The following PRDM1 variants were observed in gnomAD, a reference collection of about 807,000 sequenced individuals.
PRDM1 encodes the protein PR/SET domain 1.
In PRDM1, 13 loss-of-function variants were observed where a neutral mutation model predicts 62.8. The observed-to-expected ratio is 0.21, with a 90% CI of 0.13 to 0.33. The LOEUF is 0.33. Ranked by LOEUF, PRDM1 falls within the 10% of genes least tolerant of loss-of-function variation. The pLI, the probability that PRDM1 is intolerant of heterozygous loss-of-function variation, is 1.00. For missense variants in PRDM1, 895 were observed against 1,058.8 expected, an observed-to-expected ratio of 0.85 and a Z score of 2.15; for synonymous variants, 396 against 417.6, an observed-to-expected ratio of 0.95 and a Z score of 0.63.
chr6:106,094,288 ATAGG>A (rs1346263164), intron 2 of PRDM1, among the ~76,000 whole-genome samples: 3 of 152,238 alleles, frequency 2.0e-5, no homozygotes, highest in Non-Finnish European at 4.4e-5. Flanking sequence ...CAGTAAAGTG[ATAGG>A]TAGGCTATCT....
rs138987615 is a variant in PRDM1 at position 106,074,890 on chromosome 6, C to T, written c.-66-13311C>T. ...TCAAGAGGCTGAGGCATGAGAATCG[C>T]TTGAACCTGGGAGGCAGAGATTGCA... On this transcript the variant is annotated intron_variant, in intron 1 of 6. Coordinates refer to the PRDM1 transcript ENST00000651185. 2.2e-3 allele frequency among the ~76,000 whole-genome samples: 332 copies of T among 152,308 alleles called. 2 individuals are homozygous for T. Among genetic ancestry groups the T allele is most frequent in the African/African-American group, 7.6e-3 (317 of 41,568 alleles).
intron 1 of PRDM1, among the ~76,000 whole-genome samples, chr6:106,087,291 C>T (rs1342937279): frequency 6.6e-6 from 1 of 152,296 alleles, no homozygotes; most frequent in East Asian, 1.9e-4. Flanking sequence ...TTTGTTATAA[C>T]TTTAGTTACA....
At chr6:106,074,977 G>T (rs1408690428) in intron 1 of PRDM1, among the ~76,000 whole-genome samples, 1 of 152,140 alleles carries the variant, frequency 6.6e-6, no homozygotes, top group East Asian at 1.9e-4. Flanking sequence ...TTCCAATACT[G>T]TATAATGTTT....
intron 3 of PRDM1, chr6:106,098,296 T>C: frequency 1.0e-6 from 1 of 985,188 alleles, no homozygotes; most frequent in South Asian, 4.7e-5. Flanking sequence ...AGAGAAAACT[T>C]TGTGTGGAAG....
In PRDM1 at chr6:106,105,246, T is replaced by A. The variant is rs1423348813; in HGVS notation, c.1086T>A (p.Pro362=). 1 of 1,613,804 alleles carries A rather than the reference T, an allele frequency of 6.2e-7. No homozygotes were observed. The highest frequency in any genetic ancestry group is 1.7e-5 in the Admixed American group (1 of 60,018). Reference sequence around the variant, plus strand: ...GCAGCCCTGGGAATACGGTGTCCCCTGTGGGCCCCGGCTCTCAAGAGCACC... The same window carrying A: ...GCAGCCCTGGGAATACGGTGTCCCCAGTGGGCCCCGGCTCTCAAGAGCACC... ...PHSSPGNTVS[P]VGPGSQEHRD... is the part of the protein sequence containing the mutation. Residue 362 remains proline (P), a synonymous_variant, in exon 5 of 7, where the codon CCT becomes CCA. Transcript: ENST00000369096.
At chr6:106,008,357 G>C (rs2114547880) in intron 1 of PRDM1, among the ~76,000 whole-genome samples, 1 of 152,306 alleles carries the variant, frequency 6.6e-6, no homozygotes, top group East Asian at 1.9e-4. Context: ...TGGCGACAGA[G>C]TGAGGCTCCG....
At chr6:106,009,871 C>G (rs186469906) in intron 1 of PRDM1, among the ~76,000 whole-genome samples, 1 of 152,138 alleles carries the variant, frequency 6.6e-6, no homozygotes, top group East Asian at 1.9e-4. Context: ...GCATGCGCCA[C>G]CACGCCCGGC....
intron 1 of PRDM1, among the ~76,000 whole-genome samples, chr6:106,030,082 A>G (rs991279492): frequency 2.6e-5 from 4 of 151,998 alleles, no homozygotes; most frequent in African/African-American, 7.3e-5. Context: ...AGAGTTCTTT[A>G]TGTATTTTAT....
At chr6:106,035,446 AC>A (rs1012351664) in intron 1 of PRDM1, among the ~76,000 whole-genome samples, 8 of 150,766 alleles carry the variant, frequency 5.3e-5, no homozygotes, top group African/African-American at 2.0e-4. Context: ...ACATAGTGAG[AC>A]CCCCCTCCCC....
upstream of PRDM1, among the ~76,000 whole-genome samples, chr6:106,043,597 G>A (rs757899227): frequency 2.6e-5 from 4 of 152,138 alleles, no homozygotes; most frequent in East Asian, 3.9e-4. Flanking sequence ...GCAATGGCAC[G>A]ATCTTGGCTC....
chr6:106,003,245 T>C (rs1772448058), intron 1 of PRDM1, among the ~76,000 whole-genome samples: 1 of 152,220 alleles, frequency 6.6e-6, no homozygotes, highest in Non-Finnish European at 1.5e-5. Context: ...GGGACAATTA[T>C]ACCAGGACTA....
chr6:106,068,096 CTT>C (rs201806827), intron 1 of PRDM1, among the ~76,000 whole-genome samples: 1 of 145,252 alleles, frequency 6.9e-6, no homozygotes, highest in Non-Finnish European at 1.5e-5. Context: ...CCACCCTGTT[CTT>C]TTTTTTTTTT....
In PRDM1 at chr6:106,106,956, C is replaced by G. The variant is rs147011403; in HGVS notation, c.1948C>G (p.Leu650Val). ...FSSTSNLKTHLRLHSGEKPYQ... is the reference protein window; with the variant it reads ...FSSTSNLKTHVRLHSGEKPYQ... ...CAGCACCAGCAATCTCAAGACCCAC[C>G]TGCGACTCCATTCTGGAGAGAAACC... Residue 650 changes from leucine to valine, a missense_variant, in exon 7 of 7, where the codon CTG (leucine) becomes GTG (valine). Physicochemically the swap from Leu to Val is conservative, Grantham distance 32. Coordinates refer to ENST00000369096, the MANE Select transcript of PRDM1 (RefSeq NM_001198.4). The surrounding 1 kb of genome is among the most constrained non-coding windows in gnomAD (Gnocchi z 4.4). 1 of 1,614,040 alleles carries G rather than the reference C, an allele frequency of 6.2e-7. No homozygotes were observed. The highest frequency in any genetic ancestry group is 8.5e-7 in the Non-Finnish European group (1 of 1,180,040).
At chr6:106,000,124 C>T (rs1772410379) in intron 1 of PRDM1, among the ~76,000 whole-genome samples, 1 of 152,244 alleles carries the variant, frequency 6.6e-6, no homozygotes, top group South Asian at 2.1e-4. Flanking sequence ...GCTGGGATTA[C>T]AGGCGTGAGC....
chr6:106,011,390 G>T (rs1446511261), intron 1 of PRDM1, among the ~76,000 whole-genome samples: 1 of 152,148 alleles, frequency 6.6e-6, no homozygotes, highest in East Asian at 1.9e-4. Context: ...CTTTTGTTTA[G>T]TAAGACTTGA....
intron 1 of PRDM1, among the ~76,000 whole-genome samples, chr6:106,003,152 C>T (rs1016775897): frequency 2.0e-5 from 3 of 152,130 alleles, no homozygotes; most frequent in African/African-American, 7.2e-5. Context: ...ACTCATCATA[C>T]ATAAGCATGC....
chr6:106,027,793 G>GA (rs950702370), intron 1 of PRDM1, among the ~76,000 whole-genome samples: 1 of 152,154 alleles, frequency 6.6e-6, no homozygotes, highest in Non-Finnish European at 1.5e-5. Context: ...TGGCAGGAGA[G>GA]AAAAAAATTG....
intron 1 of PRDM1, among the ~76,000 whole-genome samples, chr6:106,023,803 C>A (rs1003043192): frequency 2.0e-5 from 3 of 152,152 alleles, no homozygotes; most frequent in African/African-American, 7.2e-5. Flanking sequence ...ACCTCCATTT[C>A]AAAAGTGACC....
At chr6:106,019,704 G>C (rs1446653805) in intron 1 of PRDM1, among the ~76,000 whole-genome samples, 4 of 147,188 alleles carry the variant, frequency 2.7e-5, no homozygotes, top group African/African-American at 1.0e-4. Context: ...GCAGTGGCAT[G>C]ATCTCAGCTC....
Sources: allele counts gnomAD v4.1 joint callset (sites outside exome capture counted in the v4.1 genomes callset), GRCh38; gene constraint gnomAD v4.1.1; non-coding constraint Gnocchi (gnomAD v3.1); transcripts MANE v1.5; gene names NCBI Gene and HGNC (gene_info 2026-07-23, HGNC 2026-07-21).